Variants in HDGFL3 observed in about 807,000 individuals in gnomAD.
HDGFL3 encodes the protein hepatoma-derived growth factor-related protein 3.
A neutral mutation model predicts 27.6 loss-of-function variants in HDGFL3; 6 were observed. The observed-to-expected ratio is 0.22, with a 90% CI of 0.12 to 0.43. The LOEUF (loss-of-function observed/expected upper bound fraction) is 0.43. HDGFL3 is among the 20% of genes least tolerant of loss of function. The pLI is 1.00. For synonymous variants in HDGFL3, 88 were observed against 88.9 expected (o/e 0.99, Z 0.05); for missense variants, 207 against 250.1 (o/e 0.83, Z 1.16).
In HDGFL3 at chr15:83,206,287, T is replaced by C. The variant is rs544312782; in HGVS notation, c.84+1044A>G. ...ATACAACATTTTAGAGCTCACACTA[T>C]ATTTATGCCAATTTTCTCCATGACT... On this transcript the variant is annotated intron_variant, in intron 1 of 5. Coordinates refer to ENST00000299633, the MANE Select transcript of HDGFL3 (RefSeq NM_016073.4). Among the ~76,000 whole-genome samples, 4 of 152,206 alleles carry C rather than the reference T, an allele frequency of 2.6e-5. No individual in the cohort carries two copies. In the South Asian group the frequency reaches 8.3e-4, roughly 31 times the overall value.
In HDGFL3 at chr15:83,207,287, G is replaced by T; in HGVS notation, c.84+44C>A. ...GGGGCGGGCGCGCCATCATGAAGGG[G>T]AAAATGGTGGGCGGGCGGGCCCGCG... On this transcript the variant is annotated intron_variant, in intron 1 of 5. Coordinates refer to ENST00000299633, the MANE Select transcript of HDGFL3 (RefSeq NM_016073.4). The surrounding 1 kb of genome is among the most constrained non-coding windows in gnomAD (Gnocchi z 4.8). 1.6e-6 allele frequency: 2 copies of T among 1,271,178 alleles called. No homozygotes were observed. The highest frequency in any genetic ancestry group is 1.0e-6 in the Non-Finnish European group (1 of 985,554). The allele number at this position is 1,271,178 out of a possible 1,614,324, so 78.7% of individuals were successfully genotyped here.
chr15:83,163,148 C>T (rs1317465733), intron 2 of HDGFL3, among the ~76,000 whole-genome samples: 1 of 152,178 alleles, frequency 6.6e-6, no homozygotes, highest in Non-Finnish European at 1.5e-5. Flanking sequence ...TTTTTGGAAA[C>T]TGTGACAACA....
At position 83,158,847 on chromosome 15, in the gene HDGFL3, C is replaced by A. The variant is rs2037063515; in HGVS notation, c.162-806G>T. ...TTAGTATATTTATTCACTATTATTT[C>A]TTTCTTTTTTTTTCAGATAGAGTTT... On this transcript the variant is annotated intron_variant, in intron 2 of 5. Transcript: ENST00000299633. Among the ~76,000 whole-genome samples, 4 of 151,982 alleles carry A rather than the reference C, an allele frequency of 2.6e-5. No homozygotes were observed. The South Asian group carries it at 6.2e-4, about 24-fold the overall frequency.
intron 3 of HDGFL3, chr15:83,122,072 G>A: frequency 8.1e-7 from 1 of 1,240,406 alleles, no homozygotes; most frequent in Admixed American, 2.0e-5. Context: ...AAATAGAGAA[G>A]CTCTTTTAGT....
chr15:83,121,237 A>ATT (rs1229395202), intron 3 of HDGFL3, among the ~76,000 whole-genome samples: 2 of 139,476 alleles, frequency 1.4e-5, no homozygotes, highest in South Asian at 2.3e-4. Flanking sequence ...TGCCCAGCTA[A>ATT]TTTTTTTTTT....
At chr15:83,175,371 T>C (rs2037296313) in intron 1 of HDGFL3, among the ~76,000 whole-genome samples, 1 of 152,202 alleles carries the variant, frequency 6.6e-6, no homozygotes, top group South Asian at 2.1e-4. Flanking sequence ...TTTGACAACT[T>C]TGGAAATACA....
chr15:83,152,249 A>T (rs921683204), intron 4 of HDGFL3, among the ~76,000 whole-genome samples: 1 of 152,242 alleles, frequency 6.6e-6, no homozygotes, highest in Non-Finnish European at 1.5e-5. Context: ...GTTTTTAAAA[A>T]TGCAACTTTC....
At position 83,157,789 on chromosome 15, in the gene HDGFL3, A is replaced by G. The variant is rs144284671; in HGVS notation, c.300+114T>C. 4.6e-4 allele frequency: 505 copies of G among 1,097,510 alleles called. 2 individuals carry two copies. In the African/African-American group the frequency reaches 7.6e-3, roughly 16 times the overall value. The allele number at this position is 1,097,510 out of a possible 1,614,324, so 68.0% of individuals were successfully genotyped here. Reference sequence around the variant, plus strand: ...AATCCAAAATGCTACTGGAGTCAAAAAGAATTGTGACTTCAAGGTAACTAT... The same window carrying G: ...AATCCAAAATGCTACTGGAGTCAAAGAGAATTGTGACTTCAAGGTAACTAT... On this transcript the variant is annotated intron_variant, in intron 3 of 5. Coordinates refer to ENST00000299633, the MANE Select transcript of HDGFL3 (RefSeq NM_016073.4).
chr15:83,197,240 A>T (rs2037581716), intron 1 of HDGFL3, among the ~76,000 whole-genome samples: 1 of 152,212 alleles, frequency 6.6e-6, no homozygotes, highest in African/African-American at 2.4e-5. Flanking sequence ...ATATCATAAA[A>T]TTTAATCTAA....
At chr15:83,152,577 T>C (rs911653308) in intron 4 of HDGFL3, among the ~76,000 whole-genome samples, 4 of 151,470 alleles carry the variant, frequency 2.6e-5, no homozygotes, top group African/African-American at 9.7e-5. Context: ...GCGAGAGGCC[T>C]GTAATCCCAG....
chr15:83,189,952 T>C (rs1286872247), intron 1 of HDGFL3, among the ~76,000 whole-genome samples: 1 of 152,170 alleles, frequency 6.6e-6, no homozygotes, highest in Non-Finnish European at 1.5e-5. Context: ...GGTTCTATGA[T>C]TCCAGCACTT....
At position 83,135,477 on chromosome 15, in the gene HDGFL3, AT is replaced by A. The variant is rs910595055; in HGVS notation, c.*3792del. 2.6e-5 allele frequency: 4 copies of A among 152,164 alleles called. No homozygotes were observed. Among genetic ancestry groups the A allele is most frequent in the African/African-American group, 9.7e-5 (4 of 41,430 alleles). 9.4% of individuals were successfully genotyped at this position (152,164 alleles called of 1,614,324 possible). On this transcript the variant is annotated 3_prime_UTR_variant, in exon 6 of 6. Transcript: ENST00000299633. Reference sequence around the variant, plus strand: ...ATTACATTTAGATTCCCAATCCTTTATTCATGTGTATCTTGAATTTCAGCAA... The same window carrying A: ...ATTACATTTAGATTCCCAATCCTTTATCATGTGTATCTTGAATTTCAGCAA...
chr15:83,115,538 G>A (rs911200172), exon 4 of HDGFL3: 1 of 492,870 alleles, frequency 2.0e-6, no homozygotes, highest in African/African-American at 1.9e-5. Context: ...TTGTAGGGGA[G>A]TGGAGGATGG....
rs2035973764 is a variant in HDGFL3, at chr15:83,128,583, G to A, written c.*10687C>T. Reference sequence around the variant, plus strand: ...ACCAACTATAAGCTGATAACTTCCAGTTTTCTACCTTCGGCCCACACCGTT... The same window carrying A: ...ACCAACTATAAGCTGATAACTTCCAATTTTCTACCTTCGGCCCACACCGTT... On this transcript the variant is annotated 3_prime_UTR_variant, in exon 6 of 6. Transcript: ENST00000299633. 6.6e-6 allele frequency: 1 copy of A among 152,024 alleles called. No individual in the cohort carries two copies. The highest frequency in any genetic ancestry group is 2.4e-5 in the African/African-American group (1 of 41,354). 9.4% of individuals were successfully genotyped at this position (152,024 alleles called of 1,614,324 possible).
At chr15:83,140,117 T>C (rs775125825) in intron 5 of HDGFL3, among the ~76,000 whole-genome samples, 2 of 152,180 alleles carry the variant, frequency 1.3e-5, no homozygotes, top group Non-Finnish European at 2.9e-5. Flanking sequence ...TGTAAGCACA[T>C]GTGCACACTG....
chr15:83,123,173 T>A (rs376384242), downstream of HDGFL3, among the ~76,000 whole-genome samples: 1 of 152,190 alleles, frequency 6.6e-6, no homozygotes, highest in East Asian at 1.9e-4. Context: ...TCAAGTGAAG[T>A]CCATAGTGTG....
intron 5 of HDGFL3, among the ~76,000 whole-genome samples, 164 bp downstream of exon 5, chr15:83,151,051 C>CT (rs2036957735): frequency 6.6e-6 from 1 of 152,146 alleles, no homozygotes; most frequent in African/African-American, 2.4e-5. Flanking sequence ...TGTTCAGACT[C>CT]TAAGAATTTG....
Position 83,165,114 on chromosome 15 carries a change from C to A in HDGFL3, c.85-1039G>T, listed in dbSNP as rs575043637. Among the ~76,000 whole-genome samples the A allele has an allele frequency of 7.9e-4, 120 of 152,332 alleles. 1 individual carries two copies. The highest frequency in any genetic ancestry group is 2.7e-3 in the African/African-American group (114 of 41,578). ...TACATAGAAATGCTTTCTGGTTATA[C>A]GCCAGCTTCCCCTCTCTACCTCAAA... On this transcript the variant is annotated intron_variant, in intron 1 of 5. Coordinates refer to ENST00000299633, the MANE Select transcript of HDGFL3 (RefSeq NM_016073.4).
At chr15:83,154,149 T>C (rs2036997856) in intron 4 of HDGFL3, among the ~76,000 whole-genome samples, 1 of 149,196 alleles carries the variant, frequency 6.7e-6, no homozygotes, top group African/African-American at 2.5e-5. Context: ...ATCCGGTCTC[T>C]ACTGGAAAAA....
Sources: gnomAD v4.1 joint callset for allele counts (sites outside exome capture counted in the v4.1 genomes callset) on GRCh38, gnomAD v4.1.1 for gene constraint, Gnocchi (gnomAD v3.1) non-coding constraint, MANE v1.5 for transcripts, NCBI Gene and HGNC (gene_info 2026-07-23, HGNC 2026-07-21) for gene names.